Variants in UBALD1 observed in about 807,000 individuals in gnomAD.
UBALD1 encodes UBA-like domain-containing protein 1.
UBALD1 carries 5 observed loss-of-function variants against 16.1 expected under a neutral mutation model. The ratio of observed to expected loss-of-function variants is 0.31; its 90% CI spans 0.16 to 0.66. The LOEUF (loss-of-function observed/expected upper bound fraction) is 0.66. Among genes scored for constraint, UBALD1 ranks in the 30% least tolerant of loss-of-function variants. The probability of loss-of-function intolerance (pLI) is 0.77; values close to 1 mark genes in which losing one functional copy is unlikely to be tolerated. For missense variants in UBALD1, 220 were observed against 252.8 expected, an observed-to-expected ratio of 0.87 and a Z score of 0.88; for synonymous variants, 146 against 105.3, an observed-to-expected ratio of 1.39 and a Z score of -2.37.
intron 1 of UBALD1, chr16:4,611,068 G>C (rs1010732191): frequency 2.9e-5 from 6 of 203,762 alleles, no homozygotes; most frequent in African/African-American, 6.9e-5. Context: ...TGAGCCTGGT[G>C]GTGGGGATCC....
chr16:4,614,555 G>A, intron 1 of UBALD1, 123 bp downstream of exon 1: 1 of 1,296,304 alleles, frequency 7.7e-7, no homozygotes, highest in Non-Finnish European at 9.9e-7. Context: ...AAGCGGGTCG[G>A]GTCTGCGGCC....
chr16:4,614,412 G>GT (rs1555442403), intron 1 of UBALD1: 90 of 288,426 alleles, frequency 3.1e-4, no homozygotes, highest in Non-Finnish European at 3.9e-4. Flanking sequence ...CAAAAGGGGT[G>GT]GGGGGGGTCC....
At position 4,609,685 on chromosome 16, in the gene UBALD1, TG is replaced by T; in HGVS notation, c.481del (p.Gln161AsnfsTer63). The T allele has an allele frequency of 1.4e-6, 2 of 1,470,398 alleles. No homozygotes were observed. The highest frequency in any genetic ancestry group is 9.0e-7 in the Non-Finnish European group (1 of 1,112,508). 91.1% of individuals were successfully genotyped at this position (1,470,398 alleles called of 1,614,324 possible). A position where few individuals can be genotyped will look rare whatever the true frequency, so the allele number is the denominator to read the frequency against. Reference sequence around the variant, plus strand: ...GGCCCTGGGTTCTGAGGTGGCCTGTTGGGGGGCCAGGGGTGGCCAGTCTGAA... The same window carrying T: ...GGCCCTGGGTTCTGAGGTGGCCTGTTGGGGGCCAGGGGTGGCCAGTCTGAA... Reference protein sequence around the residue: ...PASDWPPLAPQQATSEPRAHP... With the variant: ...PASDWPPLAPXQATSEPRAHP... On this transcript the variant is annotated frameshift_variant, in exon 3 of 3. Coordinates refer to ENST00000283474, the MANE Select transcript of UBALD1 (RefSeq NM_145253.3). LOFTEE classifies it high-confidence loss of function.
chr16:4,610,845 C>A (rs369784956), intron 1 of UBALD1: 27 of 454,754 alleles, frequency 5.9e-5, no homozygotes, highest in East Asian at 3.1e-4. Flanking sequence ...CCTGCACCAG[C>A]TGGCACCAGC....
intron 1 of UBALD1, chr16:4,614,081 G>A (rs560400043): frequency 1.2e-5 from 2 of 161,476 alleles, no homozygotes; most frequent in Non-Finnish European, 2.7e-5. Flanking sequence ...CTGCACACCC[G>A]CCACATGTGT....
intron 1 of UBALD1, chr16:4,610,779 C>G: frequency 5.5e-6 from 3 of 543,160 alleles, no homozygotes; most frequent in Non-Finnish European, 9.8e-6. Flanking sequence ...GTGGAGAAGA[C>G]CCTTCCCCTG....
chr16:4,610,144 A>C (rs1174883760), intron 2 of UBALD1, 161 bp from the exon 3 acceptor site: 2 of 752,744 alleles, frequency 2.7e-6, no homozygotes, highest in Non-Finnish European at 4.6e-6. Context: ...CCAGAGGAGA[A>C]GCCTTGAGAT....
intron 1 of UBALD1, among the ~76,000 whole-genome samples, chr16:4,612,174 C>G (rs1410672918): frequency 6.6e-6 from 1 of 151,084 alleles, no homozygotes; most frequent in Non-Finnish European, 1.5e-5. Context: ...AGTGATTCTC[C>G]TGCCTCAGCC....
chr16:4,613,505 G>A (rs555442398), intron 1 of UBALD1, among the ~76,000 whole-genome samples: 1 of 152,152 alleles, frequency 6.6e-6, no homozygotes, highest in South Asian at 2.1e-4. Context: ...TCCCCCTGCA[G>A]TCCCCAGGAA....
At chr16:4,612,414 C>A (rs534758506) in intron 1 of UBALD1, among the ~76,000 whole-genome samples, 39 of 152,180 alleles carry the variant, frequency 2.6e-4, no homozygotes, top group African/African-American at 8.4e-4. Context: ...GCAGGAGACA[C>A]CCTATCTGGG....
intron 1 of UBALD1, among the ~76,000 whole-genome samples, chr16:4,613,560 C>A (rs543846187): frequency 1.3e-5 from 2 of 152,276 alleles, no homozygotes; most frequent in South Asian, 4.1e-4. Flanking sequence ...CCTGCAGGCC[C>A]TGGGATGGCT....
Position 4,614,863 on chromosome 16 carries a change from A to G in UBALD1, c.-66T>C. 2.9e-6 allele frequency: 4 copies of G among 1,389,066 alleles called. No individual in the cohort carries two copies. The highest frequency in any genetic ancestry group is 3.8e-6 in the Non-Finnish European group (4 of 1,061,364). The allele number at this position is 1,389,066 out of a possible 1,614,324, so 86.0% of individuals were successfully genotyped here. A position where few individuals can be genotyped will look rare whatever the true frequency, so the allele number is the denominator to read the frequency against. On this transcript the variant is annotated 5_prime_UTR_variant, in exon 1 of 3. It removes an upstream start codon present in the reference 5' UTR. Transcript: ENST00000283474. ...CGCGCCTCCGCCTCACGCGTCCACC[A>G]TTAGCGAGCCGGCTCCGGCTAATAC...
In UBALD1 at chr16:4,614,800, C is replaced by A; in HGVS notation, c.-3G>T. The A allele has an allele frequency of 1.3e-6, 2 of 1,500,960 alleles. No individual in the cohort carries two copies. The highest frequency in any genetic ancestry group is 1.8e-6 in the Non-Finnish European group (2 of 1,124,850). 93.0% of individuals were successfully genotyped at this position (1,500,960 alleles called of 1,614,324 possible). ...AGCTCGTCCATGTTCACGGACATGG[C>A]GCCGCCGCGCTGCCCGCTCCGGCCT... is the stretch of plus-strand genomic sequence containing the variant. On this transcript the variant is annotated 5_prime_UTR_variant, in exon 1 of 3. Transcript: ENST00000283474.
Position 4,609,634 on chromosome 16 carries a change from T to C in UBALD1, c.533A>G (p.Ter178=). 2.9e-6 allele frequency: 4 copies of C among 1,382,144 alleles called. No individual in the cohort carries two copies. The highest frequency in any genetic ancestry group is 3.8e-6 in the Non-Finnish European group (4 of 1,060,302). 85.6% of individuals were successfully genotyped at this position (1,382,144 alleles called of 1,614,324 possible). A position where few individuals can be genotyped will look rare whatever the true frequency, so the allele number is the denominator to read the frequency against. Residue 178 remains the stop codon, a stop_retained_variant, in exon 3 of 3, where the codon TAA becomes TGA. Coordinates refer to ENST00000283474, the MANE Select transcript of UBALD1 (RefSeq NM_145253.3). ...TCCGGGAGGGGGGAGGGGCCTCCCT[T>C]ATCTCTCTGCCTCCATGGCAGGGTG... ...RAHPAMEAER[*]
At chr16:4,610,107 C>T in intron 2 of UBALD1, 124 bp from the exon 3 acceptor site, 1 of 836,820 alleles carries the variant, frequency 1.2e-6, no homozygotes, top group East Asian at 2.6e-5. Flanking sequence ...CCCCAGATCC[C>T]CAAGCCTGTC....
In UBALD1 at chr16:4,608,958, A is replaced by C. The variant is rs1331038988; in HGVS notation, c.*675T>G. On this transcript the variant is annotated 3_prime_UTR_variant, in exon 3 of 3. Coordinates refer to ENST00000283474, the MANE Select transcript of UBALD1 (RefSeq NM_145253.3). ...ATGCGGGTACCCCCAGGTGCAGGGG[A>C]GGCATGCAGGCAGCCCCAGCAGGCA... 6.6e-6 allele frequency: 1 copy of C among 152,390 alleles called. No homozygotes were observed. The highest frequency in any genetic ancestry group is 2.1e-4 in the South Asian group (1 of 4,830). 9.4% of individuals were successfully genotyped at this position (152,390 alleles called of 1,614,324 possible). A position where few individuals can be genotyped will look rare whatever the true frequency, so the allele number is the denominator to read the frequency against.
In UBALD1 at chr16:4,610,840, A is replaced by C. The variant is rs538606285; in HGVS notation, c.121-285T>G. 9.9e-5 allele frequency: 45 copies of C among 454,292 alleles called. 1 individual carries two copies. The highest frequency in any genetic ancestry group is 8.4e-4 in the African/African-American group (42 of 49,742). 28.1% of individuals were successfully genotyped at this position (454,292 alleles called of 1,614,324 possible). ...AAGGCCTGCAGAGCCCTCCCCCTGC[A>C]CCAGCTGGCACCAGCACCATGACTG... On this transcript the variant is annotated intron_variant, in intron 1 of 2. Transcript: ENST00000283474.
intron 1 of UBALD1, 131 bp from the exon 2 acceptor site, chr16:4,610,686 CT>C: frequency 9.8e-7 from 1 of 1,024,132 alleles, no homozygotes; most frequent in Non-Finnish European, 1.4e-6. Context: ...AGTCGCGGTG[CT>C]GAGGCTCAGT....
intron 2 of UBALD1, 74 bp from the exon 3 acceptor site, chr16:4,610,057 A>T (rs1897339248): frequency 8.6e-7 from 1 of 1,163,256 alleles, no homozygotes; most frequent in Non-Finnish European, 1.3e-6. Context: ...CCAAGGGGAG[A>T]TGCGTGGCTG....
Sources: gnomAD v4.1 joint callset for allele counts (sites outside exome capture counted in the v4.1 genomes callset) on GRCh38, gnomAD v4.1.1 for gene constraint, MANE v1.5 for transcripts, NCBI Gene and HGNC (gene_info 2026-07-23, HGNC 2026-07-21) for gene names.